Variants in FHIT observed in about 807,000 individuals in gnomAD.
FHIT encodes fragile histidine triad diadenosine triphosphatase.
In FHIT, 19 loss-of-function variants were observed where a neutral mutation model predicts 17.9. The observed-to-expected ratio is 1.06, with a 90% CI of 0.74 to 1.56. FHIT has a LOEUF of 1.56. Ranked by LOEUF, FHIT falls within the 40% of genes most tolerant of loss-of-function variation. The probability of loss-of-function intolerance (pLI) is 0.00; values close to 1 mark genes in which losing one functional copy is unlikely to be tolerated. For synonymous variants in FHIT, 81 were observed against 69.7 expected, an observed-to-expected ratio of 1.16 and a Z score of -0.81; for missense variants, 248 against 189.2, an observed-to-expected ratio of 1.31 and a Z score of -1.82.
chr3:60,394,325 T>A (rs1450400517), intron 5 of FHIT, among the ~76,000 whole-genome samples: 1 of 152,194 alleles, frequency 6.6e-6, no homozygotes, highest in Non-Finnish European at 1.5e-5. Context: ...CAATTTCAGG[T>A]AAGCTAAATG....
chr3:60,026,091 G>A (rs1462605354), intron 5 of FHIT, among the ~76,000 whole-genome samples: 1 of 152,142 alleles, frequency 6.6e-6, no homozygotes. Context: ...AATCACAGGG[G>A]AGGCTGGGGC....
At chr3:60,878,048 T>C (rs1704752287) in intron 3 of FHIT, among the ~76,000 whole-genome samples, 1 of 152,112 alleles carries the variant, frequency 6.6e-6, no homozygotes, top group African/African-American at 2.4e-5. Context: ...TCCTAAATTA[T>C]AGCTGTACCA....
intron 5 of FHIT, among the ~76,000 whole-genome samples, chr3:60,028,137 G>A (rs1700833739): frequency 6.6e-6 from 1 of 151,498 alleles, no homozygotes; most frequent in South Asian, 2.1e-4. Context: ...ATGCCCCAAG[G>A]TGGGTGGCCA....
chr3:60,904,170 C>T (rs1326404971), intron 3 of FHIT, among the ~76,000 whole-genome samples: 8 of 152,268 alleles, frequency 5.3e-5, no homozygotes, highest in African/African-American at 1.7e-4. Flanking sequence ...TTCAGTTACT[C>T]AGTGATGACT....
intron 5 of FHIT, among the ~76,000 whole-genome samples, chr3:60,440,407 G>A (rs754497456): frequency 3.3e-5 from 5 of 152,070 alleles, no homozygotes; most frequent in Non-Finnish European, 7.4e-5. Context: ...GAAAGGAATT[G>A]TAGGCATGTC....
intron 5 of FHIT, among the ~76,000 whole-genome samples, chr3:60,353,915 A>C (rs111590186): frequency 6.6e-6 from 1 of 152,148 alleles, no homozygotes; most frequent in Non-Finnish European, 1.5e-5. Context: ...AAATTTGGTA[A>C]TATGACCCCA....
At chr3:60,988,718 G>A (rs1453224974) in intron 3 of FHIT, among the ~76,000 whole-genome samples, 2 of 152,052 alleles carry the variant, frequency 1.3e-5, no homozygotes, top group African/African-American at 4.8e-5. Context: ...ACAAGGTAAA[G>A]GGCAAGAGGT....
chr3:60,858,938 C>T (rs966908849), intron 3 of FHIT, among the ~76,000 whole-genome samples: 8 of 152,276 alleles, frequency 5.3e-5, no homozygotes, highest in African/African-American at 1.7e-4. Flanking sequence ...AGTGTTCCCC[C>T]AGGACATTCA....
chr3:60,451,514 T>A (rs1239992908), intron 5 of FHIT, among the ~76,000 whole-genome samples: 1 of 152,156 alleles, frequency 6.6e-6, no homozygotes, highest in Non-Finnish European at 1.5e-5. Flanking sequence ...AACCATATAG[T>A]ACATACACTT....
intron 5 of FHIT, among the ~76,000 whole-genome samples, chr3:60,481,277 C>A (rs2033597698): frequency 6.6e-6 from 1 of 152,108 alleles, no homozygotes; most frequent in South Asian, 2.1e-4. Context: ...GAGAGCTTCC[C>A]CAACCTAGCA....
At chr3:59,801,270 A>G (rs1699982704) in intron 8 of FHIT, among the ~76,000 whole-genome samples, 1 of 151,496 alleles carries the variant, frequency 6.6e-6, no homozygotes, top group Non-Finnish European at 1.5e-5. Flanking sequence ...ACTGTCTGAA[A>G]TGATTTGCAC....
chr3:60,115,036 A>G (rs1301161176), intron 5 of FHIT, among the ~76,000 whole-genome samples: 1 of 152,184 alleles, frequency 6.6e-6, no homozygotes, highest in African/African-American at 2.4e-5. Flanking sequence ...TCAAATATTA[A>G]AATTAATCAC....
At chr3:60,267,657 T>C (rs1706652005) in intron 5 of FHIT, among the ~76,000 whole-genome samples, 3 of 152,216 alleles carry the variant, frequency 2.0e-5, no homozygotes, top group African/African-American at 7.2e-5. Context: ...ACACTTAGCA[T>C]TTTCTACTGT....
intron 3 of FHIT, among the ~76,000 whole-genome samples, chr3:60,861,163 AT>A (rs1703804128): frequency 2.9e-5 from 1 of 34,038 alleles, no homozygotes; most frequent in Non-Finnish European, 5.2e-5. Context: ...ATACATATAT[AT>A]CATATGTTCT....
chr3:61,162,586 A>C (rs2037728750), intron 2 of FHIT, among the ~76,000 whole-genome samples: 1 of 152,204 alleles, frequency 6.6e-6, no homozygotes, highest in Admixed American at 6.5e-5. Context: ...ATTATGATTC[A>C]AGCATTTGCA....
chr3:61,150,271 G>A (rs2037348873), intron 2 of FHIT, among the ~76,000 whole-genome samples: 1 of 151,068 alleles, frequency 6.6e-6, no homozygotes, highest in South Asian at 2.1e-4. Flanking sequence ...AATGGGGTTT[G>A]TATTGTCCCC....
At chr3:59,966,426 C>T (rs6800973) in intron 7 of FHIT, among the ~76,000 whole-genome samples, 13,255 of 152,150 alleles carry the variant, frequency 0.087, 816 homozygotes, top group South Asian at 0.15. Context: ...TGTTACTTAA[C>T]AATGGGGATA....
chr3:60,621,569 G>T (rs1313336166), intron 4 of FHIT, among the ~76,000 whole-genome samples: 2 of 151,498 alleles, frequency 1.3e-5, no homozygotes, highest in Non-Finnish European at 2.9e-5. Context: ...AACTACTAGT[G>T]ACTGCACTGA....
intron 5 of FHIT, among the ~76,000 whole-genome samples, chr3:60,046,364 G>A (rs1005962013): frequency 2.0e-5 from 3 of 152,180 alleles, no homozygotes; most frequent in Admixed American, 2.0e-4. Context: ...AACCAGCTGC[G>A]TCTGTCAATG....
Sources: allele counts gnomAD v4.1 joint callset (sites outside exome capture counted in the v4.1 genomes callset), GRCh38; gene constraint gnomAD v4.1.1; transcripts MANE v1.5; gene names NCBI Gene and HGNC (gene_info 2026-07-23, HGNC 2026-07-21).